The following RBM33 variants were observed in gnomAD, a reference collection of about 807,000 sequenced individuals.
RBM33 encodes the protein RNA binding motif protein 33, also known as RNA-binding protein 33.
In RBM33, 28 loss-of-function variants were observed where a neutral mutation model predicts 132.6. That is an observed-to-expected ratio of 0.21 (90% CI 0.16 to 0.29). The LOEUF (loss-of-function observed/expected upper bound fraction) is 0.29, where lower values mean the gene tolerates loss of function less well. Ranked by LOEUF, RBM33 falls within the 10% of genes least tolerant of loss-of-function variation. RBM33 has a pLI of 1.00. For synonymous variants in RBM33, 634 were observed against 593.0 expected (o/e 1.07, Z -1.01); for missense variants, 1,291 against 1,518.5 (o/e 0.85, Z 2.49).
At chr7:155,698,869 T>G (rs1799877020) in intron 5 of RBM33, among the ~76,000 whole-genome samples, 1 of 152,244 alleles carries the variant, frequency 6.6e-6, no homozygotes, top group Non-Finnish European at 1.5e-5. Context: ...AGTAGCATTC[T>G]GTGGTTTGGA....
chr7:155,739,496 A>G (rs972306656), intron 11 of RBM33: 1 of 578,466 alleles, frequency 1.7e-6, no homozygotes, highest in Admixed American at 3.3e-5. Flanking sequence ...GGACAATTCA[A>G]TCCTAGAATT....
intron 1 of RBM33, among the ~76,000 whole-genome samples, chr7:155,660,471 C>T (rs896797350): frequency 1.3e-5 from 2 of 152,150 alleles, no homozygotes; most frequent in African/African-American, 4.8e-5. Flanking sequence ...AGCAGTTCTG[C>T]CAGCAACAGA....
At chr7:155,753,931 T>C (rs893308942) in intron 14 of RBM33, among the ~76,000 whole-genome samples, 1 of 152,244 alleles carries the variant, frequency 6.6e-6, no homozygotes, top group African/African-American at 2.4e-5. Flanking sequence ...ACTTATTTGA[T>C]AAGACGTACA....
At chr7:155,673,754 A>ACG (rs145463119) in intron 3 of RBM33, among the ~76,000 whole-genome samples, 5 of 61,368 alleles carry the variant, frequency 8.1e-5, no homozygotes, top group South Asian at 7.4e-4. Flanking sequence ...ACGTGTATAT[A>ACG]CGCGCGCATG....
chr7:155,687,375 A>C (rs572215852), intron 5 of RBM33, among the ~76,000 whole-genome samples: 52 of 152,346 alleles, frequency 3.4e-4, no homozygotes, highest in African/African-American at 1.0e-3. Flanking sequence ...TCTGGATATT[A>C]GCCCTTTGTC....
At chr7:155,691,995 G>A (rs1244724691) in intron 5 of RBM33, among the ~76,000 whole-genome samples, 1 of 151,422 alleles carries the variant, frequency 6.6e-6, no homozygotes, top group Non-Finnish European at 1.5e-5. Context: ...AGGTTGCAGT[G>A]AGCTGTGATT....
rs1003230972 is a variant in RBM33 at position 155,652,971 on chromosome 7, G to C, written c.43+8052G>C. Among the ~76,000 whole-genome samples, 9 of 152,294 alleles carry C rather than the reference G, an allele frequency of 5.9e-5. 1 individual carries two copies. The highest frequency in any genetic ancestry group is 8.8e-5 in the Non-Finnish European group (6 of 68,022). On this transcript the variant is annotated intron_variant, in intron 1 of 17. Coordinates refer to ENST00000401878, the MANE Select transcript of RBM33 (RefSeq NM_053043.3). ...GTGTTAGCTTGCCCTGTAAGATTTTGAGTCATTATTTCACTTAGCATGATG... is the reference window on the plus strand; with the variant it reads ...GTGTTAGCTTGCCCTGTAAGATTTTCAGTCATTATTTCACTTAGCATGATG...
chr7:155,665,097 GTTGTTTTAGTGT>G, intron 1 of RBM33, 66 bp from the exon 2 acceptor site: 1 of 1,197,338 alleles, frequency 8.4e-7, no homozygotes, highest in Non-Finnish European at 1.2e-6. Context: ...CCTTAAAAAA[GTTGTTTTAGTGT>G]TTGAATTATT....
At chr7:155,658,730 T>A (rs1482186963) in intron 1 of RBM33, among the ~76,000 whole-genome samples, 2 of 152,214 alleles carry the variant, frequency 1.3e-5, no homozygotes, top group Non-Finnish European at 2.9e-5. Flanking sequence ...TCTGCCAGTC[T>A]GTGATGTGAC....
rs189759082 is a variant in RBM33, at chr7:155,667,525, A to G, written c.122+2272A>G. Among the ~76,000 whole-genome samples the G allele has an allele frequency of 2.6e-5, 4 of 152,346 alleles. No individual in the cohort carries two copies. The East Asian group carries it at 7.7e-4, about 29-fold the overall frequency. On this transcript the variant is annotated intron_variant, in intron 2 of 17. Coordinates refer to ENST00000401878, the MANE Select transcript of RBM33 (RefSeq NM_053043.3). ...GATTCAAGATTCAATTCAGGATCAT[A>G]CATTGCATTTTTCTTTCATCATTTC...
chr7:155,656,529 A>G (rs1353190691), intron 1 of RBM33, among the ~76,000 whole-genome samples: 1 of 152,194 alleles, frequency 6.6e-6, no homozygotes, highest in Non-Finnish European at 1.5e-5. Flanking sequence ...ATTTATTTGG[A>G]GTCAGATTTC....
chr7:155,665,082 G>A (rs1798764771), intron 1 of RBM33, 93 bp from the exon 2 acceptor site: 2 of 972,884 alleles, frequency 2.1e-6, no homozygotes, highest in Non-Finnish European at 1.6e-6. Context: ...TGTCAAGTCA[G>A]GAATCCTTAA....
chr7:155,740,075 AC>A, intron 12 of RBM33, 49 bp downstream of exon 12: 6 of 1,463,776 alleles, frequency 4.1e-6, no homozygotes, highest in Non-Finnish European at 4.5e-6. Flanking sequence ...AGGCCTTTTA[AC>A]TTACAGGACT....
At chr7:155,744,178 T>C (rs1801441424) in intron 13 of RBM33, among the ~76,000 whole-genome samples, 1 of 152,228 alleles carries the variant, frequency 6.6e-6, no homozygotes, top group African/African-American at 2.4e-5. Flanking sequence ...ATAGATTAAA[T>C]CCTGTTACAT....
At chr7:155,716,205 T>A (rs768434648) in intron 8 of RBM33, among the ~76,000 whole-genome samples, 2 of 152,070 alleles carry the variant, frequency 1.3e-5, no homozygotes, top group Non-Finnish European at 2.9e-5. Context: ...GCCTGGGTAT[T>A]CCCACTGAGG....
rs1172141778 is a variant in RBM33, at chr7:155,775,349, G to T, written c.*308G>T. ...ATGTAGACATTGTTCTTTGTGGTCT[G>T]ACTCTATGATCGATCACAGTGACTT... On this transcript the variant is annotated 3_prime_UTR_variant, in exon 18 of 18. Transcript: ENST00000401878. 26 of 518,288 alleles carry T rather than the reference G, an allele frequency of 5.0e-5. No individual in the cohort carries two copies. The highest frequency in any genetic ancestry group is 8.1e-5 in the Non-Finnish European group (23 of 284,088). 32.1% of individuals were successfully genotyped at this position (518,288 alleles called of 1,614,324 possible).
intron 3 of RBM33, among the ~76,000 whole-genome samples, chr7:155,675,460 C>T (rs946557328): frequency 6.6e-6 from 1 of 152,022 alleles, no homozygotes; most frequent in African/African-American, 2.4e-5. Context: ...TCCCTAGTCA[C>T]TCCTGTGTAC....
At chr7:155,762,376 T>A (rs55952224) in intron 14 of RBM33, among the ~76,000 whole-genome samples, 2,594 of 152,332 alleles carry the variant, frequency 0.017, 39 homozygotes, top group Non-Finnish European at 0.026. Flanking sequence ...CTGATGGAGC[T>A]GCCACACACT....
At chr7:155,764,195 C>G (rs1346222534) in intron 15 of RBM33, among the ~76,000 whole-genome samples, 177 bp downstream of exon 15, 1 of 152,200 alleles carries the variant, frequency 6.6e-6, no homozygotes, top group Non-Finnish European at 1.5e-5. Flanking sequence ...AAAGCCTTTT[C>G]CTCTCCTGAC....
Sources: gnomAD v4.1 joint callset for allele counts (sites outside exome capture counted in the v4.1 genomes callset) on GRCh38, gnomAD v4.1.1 for gene constraint, MANE v1.5 for transcripts, NCBI Gene and HGNC (gene_info 2026-07-23, HGNC 2026-07-21) for gene names.